Variants in RFC3 observed in about 807,000 individuals in gnomAD.
RFC3 encodes the protein A1 38 kDa subunit.
In RFC3, 41 loss-of-function variants were observed where a neutral mutation model predicts 45.1. That is an observed-to-expected ratio of 0.91 (90% CI 0.71 to 1.18). The LOEUF is 1.18. Among genes scored for constraint, RFC3 ranks in the 50% most tolerant of loss-of-function variants. The pLI, the probability that RFC3 is intolerant of heterozygous loss-of-function variation, is 0.00. For synonymous variants in RFC3, 149 were observed against 144.0 expected (o/e 1.03, Z -0.25); for missense variants, 423 against 428.1 (o/e 0.99, Z 0.10).
At chr13:33,936,285 G>A (rs557262737) in intron 8 of RFC3, among the ~76,000 whole-genome samples, 4 of 152,186 alleles carry the variant, frequency 2.6e-5, no homozygotes, top group South Asian at 2.1e-4. Context: ...AGACAAGACC[G>A]TTAACCCCTA....
the RFC3 span, among the ~76,000 whole-genome samples, chr13:33,975,945 A>C: frequency 6.6e-6 from 1 of 152,218 alleles, no homozygotes; most frequent in Non-Finnish European, 1.5e-5. Flanking sequence ...GGTTTCTGAT[A>C]ATTATTCTCT....
rs570527039 is a variant in RFC3 at position 33,913,648 on chromosome 13, A to C, written c.880-52439A>C. Among the ~76,000 whole-genome samples, 25 of 152,210 alleles carry C rather than the reference A, an allele frequency of 1.6e-4. No homozygotes were observed. In the South Asian group the frequency reaches 5.0e-3, roughly 30 times the overall value. The stretch of plus-strand genomic sequence containing the variant: ...TGACACTACCTAGTTAGATATAAAA[A>C]CACCTAGCTTATTGGATTGCTGAAG... On this transcript the variant is annotated intron_variant, in intron 8 of 8. Transcript: ENST00000434425.
At chr13:33,937,260 C>G (rs1336014273) in intron 8 of RFC3, among the ~76,000 whole-genome samples, 1 of 152,146 alleles carries the variant, frequency 6.6e-6, no homozygotes, top group Admixed American at 6.6e-5. Flanking sequence ...AGTACAGTGA[C>G]ATGCTGTACA....
intron 8 of RFC3, among the ~76,000 whole-genome samples, chr13:33,852,622 G>T (rs1490170631): frequency 6.6e-6 from 1 of 152,120 alleles, no homozygotes; most frequent in Admixed American, 6.6e-5. Context: ...AAGTTTTTGT[G>T]CATCCAAGGC....
chr13:33,927,490 C>T (rs2082821425), intron 8 of RFC3, among the ~76,000 whole-genome samples: 1 of 152,094 alleles, frequency 6.6e-6, no homozygotes, highest in Admixed American at 6.6e-5. Context: ...AAGGGGCTTG[C>T]ACAACAGTGG....
intron 2 of RFC3, among the ~76,000 whole-genome samples, chr13:33,821,763 G>A (rs3135559): frequency 0.23 from 34,840 of 152,174 alleles, 6,347 homozygotes; most frequent in African/African-American, 0.48. Context: ...GCTGCATACC[G>A]TGTAGCACAT....
intron 8 of RFC3, among the ~76,000 whole-genome samples, chr13:33,843,024 TA>T (rs1482152840): frequency 6.6e-6 from 1 of 152,162 alleles, no homozygotes; most frequent in African/African-American, 2.4e-5. Context: ...AATAGTACAT[TA>T]AATATTATTT....
intron 8 of RFC3, among the ~76,000 whole-genome samples, chr13:33,883,588 A>G (rs1446457889): frequency 2.0e-5 from 3 of 152,264 alleles, no homozygotes; most frequent in East Asian, 1.9e-4. Context: ...TATCACTATC[A>G]ATATCCTGGT....
chr13:33,893,443 A>T (rs2137640994), intron 8 of RFC3, among the ~76,000 whole-genome samples: 1 of 152,314 alleles, frequency 6.6e-6, no homozygotes, highest in Middle Eastern at 3.4e-3. Context: ...TAACTCTTTA[A>T]TACAAAGACA....
At chr13:33,973,239 A>G in the RFC3 span, among the ~76,000 whole-genome samples, 2 of 152,160 alleles carry the variant, frequency 1.3e-5, no homozygotes, top group East Asian at 1.9e-4. Flanking sequence ...AGAGATCCCT[A>G]TGGAAAGATA....
chr13:33,878,109 A>G (rs1234260624), intron 8 of RFC3, among the ~76,000 whole-genome samples: 1 of 152,126 alleles, frequency 6.6e-6, no homozygotes, highest in Non-Finnish European at 1.5e-5. Context: ...AAAAATATAT[A>G]AGATGCTCAA....
At chr13:33,956,799 A>C (rs746039948) in intron 8 of RFC3, among the ~76,000 whole-genome samples, 2 of 152,234 alleles carry the variant, frequency 1.3e-5, no homozygotes, top group African/African-American at 4.8e-5. Flanking sequence ...TGATAATCAA[A>C]TGAGAAAATT....
chr13:33,863,380 T>C (rs951216569), intron 8 of RFC3, among the ~76,000 whole-genome samples: 6 of 152,214 alleles, frequency 3.9e-5, no homozygotes, highest in African/African-American at 1.4e-4. Context: ...CACATAGCAC[T>C]CTTCCCCACC....
intron 8 of RFC3, among the ~76,000 whole-genome samples, chr13:33,944,492 C>A (rs2082943419): frequency 6.6e-6 from 1 of 152,134 alleles, no homozygotes; most frequent in African/African-American, 2.4e-5. Context: ...CCCATTTAGT[C>A]ACACATATGT....
At chr13:33,925,802 C>G (rs866711628) in intron 8 of RFC3, among the ~76,000 whole-genome samples, 3 of 151,748 alleles carry the variant, frequency 2.0e-5, no homozygotes, top group Admixed American at 2.0e-4. Context: ...AATGAACCCC[C>G]CGACCAACCA....
intron 8 of RFC3, among the ~76,000 whole-genome samples, chr13:33,937,232 C>A (rs542187104): frequency 6.6e-5 from 10 of 152,228 alleles, no homozygotes; most frequent in Non-Finnish European, 1.2e-4. Context: ...CATTCTGTTA[C>A]AATTGCCGAT....
chr13:33,881,561 C>G (rs1166524644), intron 8 of RFC3, among the ~76,000 whole-genome samples: 1 of 152,026 alleles, frequency 6.6e-6, no homozygotes, highest in East Asian at 1.9e-4. Flanking sequence ...ATCTCATACT[C>G]AGACCTTTAC....
At position 33,871,460 on chromosome 13, in the gene RFC3, C is replaced by T. The variant is rs566810873; in HGVS notation, c.879+36243C>T. Among the ~76,000 whole-genome samples the T allele has an allele frequency of 2.0e-5, 3 of 152,336 alleles. No homozygotes were observed. In the South Asian group the frequency reaches 6.2e-4, roughly 32 times the overall value. On this transcript the variant is annotated intron_variant, in intron 8 of 8. Coordinates refer to the RFC3 transcript ENST00000434425. ...TTGCTTTTATCATCCCACCTCCTGACTCTGCTGCCCTCCTGCTGCCCTCTT... is the reference window on the plus strand; with the variant it reads ...TTGCTTTTATCATCCCACCTCCTGATTCTGCTGCCCTCCTGCTGCCCTCTT...
chr13:33,928,839 G>GC (rs554640278), intron 8 of RFC3, among the ~76,000 whole-genome samples: 1 of 151,518 alleles, frequency 6.6e-6, no homozygotes, highest in East Asian at 1.9e-4. Context: ...ATGTCTGGGG[G>GC]GGGAAGTGAA....
Sources: gnomAD v4.1 joint callset for allele counts (sites outside exome capture counted in the v4.1 genomes callset) on GRCh38, gnomAD v4.1.1 for gene constraint, MANE v1.5 for transcripts, NCBI Gene and HGNC (gene_info 2026-07-23, HGNC 2026-07-21) for gene names.